MRPS28: variants seen among roughly 807,000 people sequenced by gnomAD.
The protein encoded by MRPS28 is mitochondrial ribosomal protein S28.
In MRPS28, 7 loss-of-function variants were observed where a neutral mutation model predicts 10.8. The ratio of observed to expected loss-of-function variants is 0.65; its 90% CI spans 0.37 to 1.22. The LOEUF is 1.22. Among genes scored for constraint, MRPS28 ranks in the 50% most tolerant of loss-of-function variants. The probability of loss-of-function intolerance (pLI) is 0.02; values close to 1 mark genes in which losing one functional copy is unlikely to be tolerated. For missense variants in MRPS28, 265 were observed against 232.9 expected (o/e 1.14, Z -0.90); for synonymous variants, 121 against 93.3 (o/e 1.30, Z -1.71).
chr8:80,023,455 G>A (rs1029511208), intron 1 of MRPS28, among the ~76,000 whole-genome samples: 1 of 151,716 alleles, frequency 6.6e-6, no homozygotes, highest in African/African-American at 2.4e-5. Flanking sequence ...TATTCTGAAA[G>A]GATTGAACAT....
rs140486953 is a variant in MRPS28, at chr8:79,992,197, T to C, written c.395+10802A>G. 1.7e-3 allele frequency among the ~76,000 whole-genome samples: 253 copies of C among 152,360 alleles called. 1 individual carries two copies. The highest frequency in any genetic ancestry group is 0.01 in the Middle Eastern group (3 of 294). On this transcript the variant is annotated intron_variant, in intron 2 of 2. Transcript: ENST00000276585. ...TGTGAGACCTTGAGCCAGAATCATC[T>C]AGCTAAGGCATTCCTGGATTCCTGC... is the stretch of plus-strand genomic sequence containing the variant.
intron 2 of MRPS28, among the ~76,000 whole-genome samples, chr8:79,982,825 C>T (rs918054675): frequency 6.6e-6 from 1 of 152,182 alleles, no homozygotes; most frequent in Non-Finnish European, 1.5e-5. Flanking sequence ...TAGGCTCCAC[C>T]TCTGGGGGCA....
chr8:80,007,238 C>T (rs1808877301), intron 1 of MRPS28, among the ~76,000 whole-genome samples: 1 of 152,174 alleles, frequency 6.6e-6, no homozygotes, highest in Admixed American at 6.5e-5. Flanking sequence ...ATGCTAAAAA[C>T]TCTCAAGCAA....
At chr8:79,991,371 T>C (rs1271387843) in intron 2 of MRPS28, among the ~76,000 whole-genome samples, 3 of 152,206 alleles carry the variant, frequency 2.0e-5, no homozygotes, top group Non-Finnish European at 4.4e-5. Flanking sequence ...AGAAGCAGTA[T>C]GGACTTTTAA....
At chr8:80,013,831 C>T (rs1334561875) in intron 1 of MRPS28, among the ~76,000 whole-genome samples, 3 of 151,976 alleles carry the variant, frequency 2.0e-5, no homozygotes, top group Admixed American at 6.6e-5. Context: ...ATAAATGTTA[C>T]GCTCGCAACA....
chr8:79,919,730 T>C lies in MRPS28; in HGVS notation c.396-582A>G, dbSNP rs572259944. 1.8e-4 allele frequency among the ~76,000 whole-genome samples: 27 copies of C among 152,354 alleles called. No homozygotes were observed. The East Asian group carries it at 4.2e-3, about 24-fold the overall frequency. ...CTTAAAACTGGTGTTTGCTTTAATT[T>C]GTCAATTAAAGTCAGAGAGTATCAA... On this transcript the variant is annotated intron_variant, in intron 2 of 2. Transcript: ENST00000276585.
rs757652478 is a variant in MRPS28, at chr8:79,918,941, G to A, written c.*39C>T. ...CTAATTGCATTCTTGATGAATAACT[G>A]ACTTCAGCAAAGGAGTCAATCCACT... is the stretch of plus-strand genomic sequence containing the variant. On this transcript the variant is annotated 3_prime_UTR_variant, in exon 3 of 3. Coordinates refer to ENST00000276585, the MANE Select transcript of MRPS28 (RefSeq NM_014018.3). 1.4e-6 allele frequency: 2 copies of A among 1,397,566 alleles called. No homozygotes were observed. Among genetic ancestry groups the A allele is most frequent in the Non-Finnish European group, 1.9e-6 (2 of 1,059,928 alleles). 86.6% of individuals were successfully genotyped at this position (1,397,566 alleles called of 1,614,324 possible).
chr8:79,940,448 C>T (rs1397818660), intron 2 of MRPS28, among the ~76,000 whole-genome samples: 1 of 152,192 alleles, frequency 6.6e-6, no homozygotes, highest in Non-Finnish European at 1.5e-5. Context: ...TTAAAAGTTT[C>T]TCTTACCAAA....
intron 2 of MRPS28, among the ~76,000 whole-genome samples, chr8:79,976,958 C>T (rs1371977986): frequency 6.6e-6 from 1 of 151,984 alleles, no homozygotes; most frequent in Non-Finnish European, 1.5e-5. Flanking sequence ...AAGTCTTAAC[C>T]ACAGAGATGT....
intron 2 of MRPS28, among the ~76,000 whole-genome samples, chr8:79,989,498 T>C (rs1808295420): frequency 6.6e-6 from 1 of 152,152 alleles, no homozygotes. Flanking sequence ...AGTCCTGAAG[T>C]TGAATAATAA....
intron 2 of MRPS28, among the ~76,000 whole-genome samples, chr8:79,921,938 T>G (rs866696702): frequency 8.5e-5 from 13 of 152,360 alleles, no homozygotes; most frequent in South Asian, 4.1e-4. Context: ...ACAGCTCTTA[T>G]TATTTTGAGA....
chr8:79,945,275 G>A (rs1327976906), intron 2 of MRPS28, among the ~76,000 whole-genome samples: 5 of 152,134 alleles, frequency 3.3e-5, no homozygotes, highest in African/African-American at 1.2e-4. Context: ...TGCACCATAA[G>A]GCAATGTATT....
chr8:79,982,843 GACAA>G, intron 2 of MRPS28, among the ~76,000 whole-genome samples: 1 of 152,154 alleles, frequency 6.6e-6, no homozygotes, highest in Non-Finnish European at 1.5e-5. Context: ...GCAGGGCACA[GACAA>G]ACAAAAAGAC....
chr8:80,024,671 T>C (rs1335632111), intron 1 of MRPS28, among the ~76,000 whole-genome samples: 2 of 152,220 alleles, frequency 1.3e-5, no homozygotes, highest in Non-Finnish European at 2.9e-5. Context: ...TATTTTTCAT[T>C]TGTAATTATT....
At chr8:79,932,438 G>A (rs1056546284) in intron 2 of MRPS28, among the ~76,000 whole-genome samples, 4 of 152,142 alleles carry the variant, frequency 2.6e-5, no homozygotes, top group Admixed American at 6.6e-5. Flanking sequence ...AAAGGCTCAC[G>A]GTAGGGTAAA....
At position 80,030,135 on chromosome 8, in the gene MRPS28, A is replaced by G. The variant is rs753306172; in HGVS notation, c.114T>C (p.Gly38=). ...TCTTAGGCTCCTTGGCATTGGAACT[A>G]CCACTTTCGGATCCACTCTCAGTGC... ...GVGTESGSES[G]SSNAKEPKTR... The change falls in exon 1 of 3, where the codon GGT becomes GGC. Residue 38 remains glycine (G), a synonymous_variant. Transcript: ENST00000276585. 2 of 1,612,910 alleles carry G rather than the reference A, an allele frequency of 1.2e-6. No homozygotes were observed. Among genetic ancestry groups the G allele is most frequent in the Non-Finnish European group, 8.5e-7 (1 of 1,180,022 alleles).
intron 2 of MRPS28, among the ~76,000 whole-genome samples, chr8:79,973,790 A>C (rs567429729): frequency 7.6e-4 from 116 of 152,066 alleles, no homozygotes; most frequent in South Asian, 1.5e-3. Context: ...GTGTGAATAG[A>C]AACAGAAAGA....
intron 2 of MRPS28, among the ~76,000 whole-genome samples, chr8:79,924,119 G>A (rs1048048042): frequency 2.6e-5 from 4 of 152,152 alleles, no homozygotes; most frequent in Admixed American, 1.3e-4. Flanking sequence ...GAGGAATTCT[G>A]ACTTTGCTAG....
intron 2 of MRPS28, among the ~76,000 whole-genome samples, chr8:79,985,539 AAAG>A (rs1406025584): frequency 6.6e-6 from 1 of 152,210 alleles, no homozygotes; most frequent in Non-Finnish European, 1.5e-5. Context: ...CAAGGCTAAT[AAAG>A]AAGAAAAGAG....
Sources: allele counts gnomAD v4.1 joint callset (sites outside exome capture counted in the v4.1 genomes callset), GRCh38; gene constraint gnomAD v4.1.1; transcripts MANE v1.5; gene names NCBI Gene and HGNC (gene_info 2026-07-23, HGNC 2026-07-21).